TRPM8: variants seen among roughly 807,000 people sequenced by gnomAD.
TRPM8 encodes the protein TRPM8 cationic channel.
TRPM8 carries 110 observed loss-of-function variants against 133.7 expected under a neutral mutation model. That is an observed-to-expected ratio of 0.82 (90% confidence interval 0.70 to 0.96). The LOEUF is 0.96. TRPM8 is among the 40% of genes least tolerant of loss of function. The pLI is 0.00. For synonymous variants in TRPM8, 535 were observed against 532.3 expected (o/e 1.01, Z -0.07); for missense variants, 1,291 against 1,379.5 (o/e 0.94, Z 1.02).
intron 19 of TRPM8, among the ~76,000 whole-genome samples, chr2:233,982,284 C>G (rs4663994): frequency 0.25 from 38,525 of 152,166 alleles, 5,919 homozygotes; most frequent in Non-Finnish European, 0.35. Flanking sequence ...TGTCTAGAGA[C>G]AAGCAGTGAG....
intron 20 of TRPM8, among the ~76,000 whole-genome samples, chr2:233,984,900 A>G (rs1173309383): frequency 6.6e-6 from 1 of 152,220 alleles, no homozygotes; most frequent in East Asian, 1.9e-4. Context: ...CCTGGTCAAC[A>G]TGGTGAAACC....
intron 14 of TRPM8, 106 bp from the exon 15 acceptor site, chr2:233,966,504 G>T: frequency 1.4e-6 from 2 of 1,391,256 alleles, no homozygotes; most frequent in Admixed American, 1.8e-5. Context: ...ATGGACTCAC[G>T]CACAGGCTAT....
chr2:233,960,470 T>C (rs775983648), intron 11 of TRPM8, among the ~76,000 whole-genome samples: 3 of 152,172 alleles, frequency 2.0e-5, no homozygotes, highest in Non-Finnish European at 4.4e-5. Context: ...TGACCAACAT[T>C]ATCTCTACAT....
chr2:233,960,731 T>C (rs1364644660), intron 11 of TRPM8, 45 bp from the exon 12 acceptor site: 6 of 1,540,972 alleles, frequency 3.9e-6, no homozygotes, highest in Non-Finnish European at 4.4e-6. Context: ...TTCCTTACCA[T>C]ATTTTTATAG....
At chr2:234,005,927 T>TACACACACACAC (rs35379195) in intron 22 of TRPM8, among the ~76,000 whole-genome samples, 5,399 of 135,928 alleles carry the variant, frequency 0.04, 173 homozygotes, top group African/African-American at 0.072. Flanking sequence ...AAACGTCATC[T>TACACACACACAC]ACACACACAC....
chr2:233,981,085 G>A (rs1353511896), intron 18 of TRPM8, among the ~76,000 whole-genome samples: 2 of 152,048 alleles, frequency 1.3e-5, no homozygotes, highest in Non-Finnish European at 2.9e-5. Context: ...TATATGAGTA[G>A]TACTTTCAAA....
intron 8 of TRPM8, among the ~76,000 whole-genome samples, chr2:233,947,792 A>C (rs1003287941): frequency 6.6e-6 from 1 of 152,078 alleles, no homozygotes; most frequent in Non-Finnish European, 1.5e-5. Flanking sequence ...TTGAATCAAA[A>C]CCTTTTATTT....
intron 3 of TRPM8, among the ~76,000 whole-genome samples, chr2:233,932,404 T>G (rs1334255829): frequency 6.6e-6 from 1 of 152,216 alleles, no homozygotes; most frequent in Admixed American, 6.5e-5. Context: ...TTAATGGTCT[T>G]GCTTGGAGCA....
intron 9 of TRPM8, among the ~76,000 whole-genome samples, chr2:233,953,310 G>A (rs569957738): frequency 6.6e-6 from 1 of 152,194 alleles, no homozygotes; most frequent in Non-Finnish European, 1.5e-5. Flanking sequence ...CAGTCTAATG[G>A]AAACCAGACT....
intron 8 of TRPM8, among the ~76,000 whole-genome samples, chr2:233,949,142 C>T (rs1424255208): frequency 1.3e-5 from 2 of 152,256 alleles, no homozygotes; most frequent in African/African-American, 4.8e-5. Context: ...GGTGCAGACA[C>T]TTGAGGCACA....
intron 11 of TRPM8, among the ~76,000 whole-genome samples, chr2:233,957,631 T>G (rs748322488): frequency 2.0e-5 from 3 of 152,216 alleles, no homozygotes; most frequent in Non-Finnish European, 2.9e-5. Context: ...ATATCATTTT[T>G]TAATTATTTG....
At chr2:233,996,042 A>G (rs1692392412) in intron 21 of TRPM8, among the ~76,000 whole-genome samples, 1 of 151,998 alleles carries the variant, frequency 6.6e-6, no homozygotes, top group South Asian at 2.1e-4. Flanking sequence ...GAATCATTGA[A>G]AGATCTTGAA....
chr2:234,010,679 G>A (rs115926975), intron 24 of TRPM8, among the ~76,000 whole-genome samples: 1,564 of 152,266 alleles, frequency 0.01, 16 homozygotes, highest in Non-Finnish European at 0.013. Flanking sequence ...CGTCGTAACA[G>A]GTGTGAGGTA....
intron 12 of TRPM8, 86 bp downstream of exon 12, chr2:233,961,152 T>G: frequency 1.5e-6 from 2 of 1,334,656 alleles, no homozygotes; most frequent in Non-Finnish European, 2.0e-6. Flanking sequence ...CTACTCCCTA[T>G]CTTATTGCCA....
chr2:233,991,136 C>T (rs575616524), intron 21 of TRPM8, among the ~76,000 whole-genome samples: 131 of 151,858 alleles, frequency 8.6e-4, no homozygotes, highest in Non-Finnish European at 1.4e-3. Context: ...AATCAGCAGC[C>T]GGGGAGGGTG....
Position 233,939,078 on chromosome 2 carries a change from C to G in TRPM8, c.429C>G (p.Asn143Lys). ...LTQHWHLKTP[N>K]LVISVTGGAK... is the part of the protein sequence containing the mutation. ...AGCACTGGCACCTGAAAACACCCAA[C>G]CTGGTCATTTCTGTGACCGGGGGCG... is the stretch of plus-strand genomic sequence containing the variant. The change falls in exon 5 of 26, where the codon AAC becomes AAG. Residue 143 changes from asparagine to lysine, a missense_variant. Asn to Lys is a moderately conservative substitution (Grantham distance 94). Transcript: ENST00000324695. 2.5e-6 allele frequency: 4 copies of G among 1,614,222 alleles called. No homozygotes were observed. Among genetic ancestry groups the G allele is most frequent in the Non-Finnish European group, 3.4e-6 (4 of 1,180,052 alleles).
At chr2:233,998,796 A>G (rs1197699025) in intron 22 of TRPM8, among the ~76,000 whole-genome samples, 1 of 151,792 alleles carries the variant, frequency 6.6e-6, no homozygotes, top group Non-Finnish European at 1.5e-5. Context: ...AGCAGATTCT[A>G]CCCATTCAGT....
At position 233,955,734 on chromosome 2, in the gene TRPM8, C is replaced by T. The variant is rs11562994; in HGVS notation, c.1362+484C>T. Among the ~76,000 whole-genome samples, 943 of 152,260 alleles carry T rather than the reference C, an allele frequency of 6.2e-3. 9 individuals are homozygous for T. The highest frequency in any genetic ancestry group is 0.021 in the African/African-American group (874 of 41,530). On this transcript the variant is annotated intron_variant, in intron 11 of 25. Coordinates refer to ENST00000324695, the MANE Select transcript of TRPM8 (RefSeq NM_024080.5). The stretch of plus-strand genomic sequence containing the variant: ...GAGACAAATAGAACAACTTGACTGA[C>T]GCTCCCCAGTGAACGTCTTAGAGCA...
chr2:233,927,764 T>C (rs1691557913), intron 2 of TRPM8, among the ~76,000 whole-genome samples: 1 of 69,792 alleles, frequency 1.4e-5, no homozygotes, highest in African/African-American at 2.0e-4. Flanking sequence ...CTTTCTTTCT[T>C]TCTTTCTTTC....
Sources: gnomAD v4.1 joint callset for allele counts (sites outside exome capture counted in the v4.1 genomes callset) on GRCh38, gnomAD v4.1.1 for gene constraint, MANE v1.5 for transcripts, NCBI Gene and HGNC (gene_info 2026-07-23, HGNC 2026-07-21) for gene names.